Variants in MPPED1 observed in about 807,000 individuals in gnomAD.
The protein encoded by MPPED1 is metallophosphoesterase domain-containing protein 1.
MPPED1 carries 16 observed loss-of-function variants against 36.2 expected under a neutral mutation model. The observed-to-expected ratio is 0.44, with a 90% CI of 0.30 to 0.67. The LOEUF (loss-of-function observed/expected upper bound fraction) is 0.67, where lower values mean the gene tolerates loss of function less well. Among genes scored for constraint, MPPED1 ranks in the 30% least tolerant of loss-of-function variants. The pLI is 0.10. For synonymous variants in MPPED1, 199 were observed against 191.3 expected (o/e 1.04, Z -0.33); for missense variants, 307 against 453.4 (o/e 0.68, Z 2.93).
chr22:43,472,018 G>C (rs1375745406), intron 3 of MPPED1, among the ~76,000 whole-genome samples: 1 of 152,198 alleles, frequency 6.6e-6, no homozygotes, highest in South Asian at 2.1e-4. Context: ...TTAAGAGTGG[G>C]CGGTACCTTC....
intron 2 of MPPED1, among the ~76,000 whole-genome samples, chr22:43,432,387 AGAGAG>A (rs1929730775): frequency 1.5e-5 from 2 of 135,794 alleles, no homozygotes; most frequent in Admixed American, 1.4e-4. Context: ...GGGAGGAGAG[AGAGAG>A]AAACGGAGGA....
In MPPED1 at chr22:43,485,011, G is replaced by A. The variant is rs112275831; in HGVS notation, c.632+10050G>A. On this transcript the variant is annotated intron_variant, in intron 4 of 6. Transcript: ENST00000443721. ...AGCTTGCTGTGCTGCTTCTACAAAC[G>A]CACAGACACACACTCACACACACAC... 3.4e-3 allele frequency among the ~76,000 whole-genome samples: 512 copies of A among 152,114 alleles called. 7 individuals carry two copies. Among genetic ancestry groups the A allele is most frequent in the African/African-American group, 0.012 (485 of 41,496 alleles).
chr22:43,495,583 G>A lies in MPPED1; in HGVS notation c.633-2652G>A, dbSNP rs375898997. Among the ~76,000 whole-genome samples, 46 of 88,244 alleles carry A rather than the reference G, an allele frequency of 5.2e-4. 1 individual carries two copies. The highest frequency in any genetic ancestry group is 1.5e-3 in the African/African-American group (41 of 27,872). The allele number at this position is 88,244 out of a possible 152,430, so 57.9% of individuals were successfully genotyped here. A position where few individuals can be genotyped will look rare whatever the true frequency, so the allele number is the denominator to read the frequency against. On this transcript the variant is annotated intron_variant, in intron 4 of 6. Coordinates refer to ENST00000443721, the MANE Select transcript of MPPED1 (RefSeq NM_001044370.2). ...TGGTGGTGGAGGTGATGGTGGAGGT[G>A]GTGGTGGTGGAGGTGGTGATGGTGG...
At chr22:43,454,908 T>A (rs1930699575) in intron 3 of MPPED1, among the ~76,000 whole-genome samples, 1 of 152,170 alleles carries the variant, frequency 6.6e-6, no homozygotes, top group Non-Finnish European at 1.5e-5. Context: ...TGATACTGTG[T>A]TGGTTTGATA....
At chr22:43,460,886 T>C (rs1180788712) in intron 3 of MPPED1, among the ~76,000 whole-genome samples, 3 of 152,232 alleles carry the variant, frequency 2.0e-5, no homozygotes, top group Non-Finnish European at 4.4e-5. Context: ...ATCCTCTAGA[T>C]GTCCTGTGGA....
At chr22:43,490,198 G>A (rs1932040001) in intron 4 of MPPED1, among the ~76,000 whole-genome samples, 1 of 152,220 alleles carries the variant, frequency 6.6e-6, no homozygotes, top group Non-Finnish European at 1.5e-5. Flanking sequence ...CCCAGATCCT[G>A]CAGGCAAGTC....
chr22:43,446,944 CA>C (rs1395708094), intron 3 of MPPED1, among the ~76,000 whole-genome samples: 2 of 152,166 alleles, frequency 1.3e-5, no homozygotes, highest in African/African-American at 4.8e-5. Flanking sequence ...GGAGACAGGA[CA>C]GGGGGAAGTG....
chr22:43,498,164 A>C, intron 4 of MPPED1, 71 bp from the exon 5 acceptor site: 2 of 1,237,142 alleles, frequency 1.6e-6, no homozygotes, highest in South Asian at 1.4e-5. Flanking sequence ...GCCCGTGGGG[A>C]GCTCCGCATT....
intron 4 of MPPED1, among the ~76,000 whole-genome samples, chr22:43,495,645 TGGTGGAGGTAGTGGTGGTGGA>T (rs1932282890): frequency 1.3e-5 from 1 of 74,468 alleles, no homozygotes; most frequent in Non-Finnish European, 3.1e-5. Context: ...GTGGAGGTGA[TGGTGGAGGTAGTGGTGGTGGA>T]GGTGGTGGTG....
At position 43,507,686 on chromosome 22, in the gene MPPED1, A is replaced by C. The variant is rs1352063878; in HGVS notation, c.*2070A>C. On this transcript the variant is annotated 3_prime_UTR_variant, in exon 7 of 7. Coordinates refer to ENST00000443721, the MANE Select transcript of MPPED1 (RefSeq NM_001044370.2). ...TATTTTTATGTGGAAAAGAAAAGTT[A>C]TGAAGGCAGCTGTTACTTTAAGAGA... The C allele has an allele frequency of 6.6e-6, 1 of 152,168 alleles. No individual in the cohort carries two copies. Among genetic ancestry groups the C allele is most frequent in the Non-Finnish European group, 1.5e-5 (1 of 68,034 alleles). The allele number at this position is 152,168 out of a possible 1,614,324, so 9.4% of individuals were successfully genotyped here.
intron 3 of MPPED1, among the ~76,000 whole-genome samples, chr22:43,452,960 CT>C (rs35359750): frequency 2.6e-4 from 37 of 144,392 alleles, no homozygotes; most frequent in Admixed American, 2.8e-4. Context: ...TTTAGTCTTA[CT>C]TTTTTTTTTT....
rs2146884078 is a variant in MPPED1, at chr22:43,474,124, A to G, written c.407-612A>G. Among the ~76,000 whole-genome samples the G allele has an allele frequency of 6.6e-6, 1 of 152,276 alleles. No homozygotes were observed. The highest frequency in any genetic ancestry group is 2.1e-4 in the South Asian group (1 of 4,820). On this transcript the variant is annotated intron_variant, in intron 3 of 6. Transcript: ENST00000443721. The surrounding 1 kb of genome is among the most constrained non-coding windows in gnomAD (Gnocchi z 5.2). ...GCAAAGACCTTGCAATTCCTTTTGGAAAGTGGAGGATAAAGAGTCCAAGAT... is the reference window on the plus strand; with the variant it reads ...GCAAAGACCTTGCAATTCCTTTTGGGAAGTGGAGGATAAAGAGTCCAAGAT...
At chr22:43,468,958 G>T (rs932111971) in intron 3 of MPPED1, among the ~76,000 whole-genome samples, 1 of 152,176 alleles carries the variant, frequency 6.6e-6, no homozygotes, top group Non-Finnish European at 1.5e-5. Flanking sequence ...ACAGCCCCCA[G>T]CACCTGCACT....
chr22:43,442,822 C>T (rs1314646712), intron 3 of MPPED1, among the ~76,000 whole-genome samples: 1 of 152,202 alleles, frequency 6.6e-6, no homozygotes, highest in African/African-American at 2.4e-5. Flanking sequence ...CCTCCTGGCA[C>T]TTAGGGCCCT....
At chr22:43,448,053 A>G (rs1930426093) in intron 3 of MPPED1, among the ~76,000 whole-genome samples, 1 of 151,070 alleles carries the variant, frequency 6.6e-6, no homozygotes. Flanking sequence ...TAATTTTTGT[A>G]TTTTTAATTT....
chr22:43,440,153 A>T (rs1344349540), intron 3 of MPPED1, among the ~76,000 whole-genome samples: 2 of 152,260 alleles, frequency 1.3e-5, no homozygotes, highest in African/African-American at 4.8e-5. Flanking sequence ...TCAGCTGGCC[A>T]TGGTGACCCC....
Position 43,424,811 on chromosome 22 carries a change from C to T in MPPED1, c.-78-97C>T. The T allele has an allele frequency of 2.8e-6, 4 of 1,409,242 alleles. No individual in the cohort carries two copies. In the South Asian group the frequency reaches 4.5e-5, roughly 16 times the overall value. 87.3% of individuals were successfully genotyped at this position (1,409,242 alleles called of 1,614,324 possible). A position where few individuals can be genotyped will look rare whatever the true frequency, so the allele number is the denominator to read the frequency against. On this transcript the variant is annotated intron_variant, in intron 1 of 6. Coordinates refer to ENST00000443721, the MANE Select transcript of MPPED1 (RefSeq NM_001044370.2). ...TACGACTGTGTTTTTTTTTCCTCTC[C>T]CCCCGCCCTCTCCCTCTTTCTAAAT...
intron 3 of MPPED1, among the ~76,000 whole-genome samples, chr22:43,447,818 TA>T (rs1930398587): frequency 7.0e-6 from 1 of 141,970 alleles, no homozygotes; most frequent in Non-Finnish European, 1.5e-5. Context: ...TATATATTTA[TA>T]TTTTTATATA....
chr22:43,412,763 A>G (rs1481300881), intron 1 of MPPED1, among the ~76,000 whole-genome samples: 1 of 152,092 alleles, frequency 6.6e-6, no homozygotes, highest in African/African-American at 2.4e-5. Flanking sequence ...TTCAGTGGCT[A>G]CCTAGACAGG....
Sources: gnomAD v4.1 joint callset for allele counts (sites outside exome capture counted in the v4.1 genomes callset) on GRCh38, gnomAD v4.1.1 for gene constraint, Gnocchi (gnomAD v3.1) non-coding constraint, MANE v1.5 for transcripts, NCBI Gene and HGNC (gene_info 2026-07-23, HGNC 2026-07-21) for gene names.